Variants in CTNND2 observed in about 807,000 individuals in gnomAD.
CTNND2 encodes the protein catenin delta 2.
CTNND2 carries 22 observed loss-of-function variants against 144.4 expected under a neutral mutation model. The ratio of observed to expected loss-of-function variants is 0.15; its 90% CI spans 0.11 to 0.22. The LOEUF (loss-of-function observed/expected upper bound fraction) is 0.22. CTNND2 is among the 10% of genes least tolerant of loss of function. The probability of loss-of-function intolerance (pLI) is 1.00; values close to 1 mark genes in which losing one functional copy is unlikely to be tolerated. For synonymous variants in CTNND2, 751 were observed against 695.6 expected, an observed-to-expected ratio of 1.08 and a Z score of -1.25; for missense variants, 1,353 against 1,618.8, an observed-to-expected ratio of 0.84 and a Z score of 2.82.
At chr5:11,698,785 T>C (rs1305058260) in intron 2 of CTNND2, among the ~76,000 whole-genome samples, 1 of 152,022 alleles carries the variant, frequency 6.6e-6, no homozygotes, top group Non-Finnish European at 1.5e-5. Context: ...ACAACAGAGT[T>C]TAAAGTAAGA....
At chr5:11,488,602 G>C (rs147259724) in intron 3 of CTNND2, among the ~76,000 whole-genome samples, 358 of 152,144 alleles carry the variant, frequency 2.4e-3, no homozygotes, top group African/African-American at 8.5e-3. Flanking sequence ...TTTGGTATAT[G>C]GTTTTGTGAA....
chr5:11,470,326 C>T (rs745739346), intron 3 of CTNND2, among the ~76,000 whole-genome samples: 12 of 152,070 alleles, frequency 7.9e-5, no homozygotes, highest in African/African-American at 1.4e-4. Context: ...CCCAGCTACT[C>T]GGGAGACTGA....
chr5:11,047,431 A>T, intron 16 of CTNND2, among the ~76,000 whole-genome samples: 1 of 152,164 alleles, frequency 6.6e-6, no homozygotes, highest in East Asian at 1.9e-4. Context: ...AGACACAATT[A>T]TCCACCAAGG....
chr5:11,061,411 A>G (rs747295593), intron 16 of CTNND2, among the ~76,000 whole-genome samples: 4 of 152,198 alleles, frequency 2.6e-5, no homozygotes, highest in Non-Finnish European at 2.9e-5. Flanking sequence ...CCAGGCTGAA[A>G]GGTATCCCGC....
At chr5:11,047,314 C>G (rs1318121450) in intron 16 of CTNND2, among the ~76,000 whole-genome samples, 1 of 152,162 alleles carries the variant, frequency 6.6e-6, no homozygotes, top group Non-Finnish European at 1.5e-5. Flanking sequence ...ACGCAGGGAC[C>G]CAATCACATC....
chr5:10,998,202 A>G (rs1252322540), intron 18 of CTNND2, among the ~76,000 whole-genome samples: 3 of 152,172 alleles, frequency 2.0e-5, no homozygotes, highest in Non-Finnish European at 2.9e-5. Context: ...ACTTGTCTGT[A>G]TGTGATTGGG....
At chr5:11,119,879 C>T (rs1753911425) in intron 12 of CTNND2, among the ~76,000 whole-genome samples, 1 of 152,138 alleles carries the variant, frequency 6.6e-6, no homozygotes, top group African/African-American at 2.4e-5. Context: ...TCAGTCTTTC[C>T]TTCGAGTATC....
At chr5:11,569,048 TAAATAGAAGAG>T (rs1777350090) in intron 2 of CTNND2, among the ~76,000 whole-genome samples, 1 of 152,104 alleles carries the variant, frequency 6.6e-6, no homozygotes, top group Admixed American at 6.5e-5. Flanking sequence ...GCCAAGATAA[TAAATAGAAGAG>T]TAATTCTGGG....
At chr5:11,012,014 C>A (rs1246977508) in intron 18 of CTNND2, among the ~76,000 whole-genome samples, 2 of 152,106 alleles carry the variant, frequency 1.3e-5, no homozygotes, top group Admixed American at 6.5e-5. Flanking sequence ...AAAATGAAAT[C>A]CTCAGATCCA....
chr5:11,808,800 G>A (rs1792151052), intron 1 of CTNND2, among the ~76,000 whole-genome samples: 1 of 152,026 alleles, frequency 6.6e-6, no homozygotes, highest in South Asian at 2.1e-4. Flanking sequence ...TATTTTCTTA[G>A]TAAAAACAAC....
chr5:11,454,070 CAT>C (rs143902070), intron 3 of CTNND2, among the ~76,000 whole-genome samples: 2,414 of 152,294 alleles, frequency 0.016, 55 homozygotes, highest in African/African-American at 0.055. Flanking sequence ...TTCCTCTCCA[CAT>C]GAGTTTTCCT....
intron 1 of CTNND2, among the ~76,000 whole-genome samples, chr5:11,784,810 C>T (rs1334225047): frequency 1.3e-5 from 2 of 152,206 alleles, no homozygotes; most frequent in African/African-American, 4.8e-5. Context: ...GTCCACTCCC[C>T]AGTCAAGCCT....
At chr5:11,511,295 C>T (rs1771620873) in intron 3 of CTNND2, among the ~76,000 whole-genome samples, 1 of 152,182 alleles carries the variant, frequency 6.6e-6, no homozygotes, top group African/African-American at 2.4e-5. Context: ...AGTAGGCAAA[C>T]ATCAAAATCA....
intron 10 of CTNND2, among the ~76,000 whole-genome samples, chr5:11,221,101 C>T (rs1311086240): frequency 2.0e-5 from 3 of 152,108 alleles, no homozygotes; most frequent in Non-Finnish European, 2.9e-5. Flanking sequence ...TTAAAAAGTG[C>T]ACTAGGGCTA....
intron 19 of CTNND2, among the ~76,000 whole-genome samples, chr5:10,990,640 A>G (rs1738572770): frequency 2.6e-5 from 4 of 152,238 alleles, no homozygotes; most frequent in African/African-American, 7.2e-5. Flanking sequence ...TATTGCCCAG[A>G]TGGTGGTGTT....
chr5:11,039,550 G>A (rs1744463671), intron 16 of CTNND2, among the ~76,000 whole-genome samples: 1 of 152,096 alleles, frequency 6.6e-6, no homozygotes, highest in Admixed American at 6.6e-5. Context: ...TTCAAGAGAT[G>A]CCTTGATTTT....
intron 9 of CTNND2, among the ~76,000 whole-genome samples, chr5:11,298,618 G>A (rs1255401094): frequency 6.6e-6 from 1 of 152,130 alleles, no homozygotes; most frequent in Non-Finnish European, 1.5e-5. Context: ...CTCTCATTGA[G>A]CTAGTTCTAT....
chr5:11,728,052 C>A (rs1214367734), intron 2 of CTNND2, among the ~76,000 whole-genome samples: 2 of 152,188 alleles, frequency 1.3e-5, no homozygotes, highest in African/African-American at 4.8e-5. Flanking sequence ...GCTATCCTCA[C>A]AAGAGATGAT....
At chr5:11,208,465 C>T (rs1273579054) in intron 10 of CTNND2, among the ~76,000 whole-genome samples, 1 of 151,904 alleles carries the variant, frequency 6.6e-6, no homozygotes, top group African/African-American at 2.4e-5. Context: ...GAAATGACCC[C>T]AGAATCAATA....
Sources: allele counts gnomAD v4.1 joint callset (sites outside exome capture counted in the v4.1 genomes callset), GRCh38; gene constraint gnomAD v4.1.1; transcripts MANE v1.5; gene names NCBI Gene and HGNC (gene_info 2026-07-23, HGNC 2026-07-21).